MYO18A: variants seen among roughly 807,000 people sequenced by gnomAD.
MYO18A encodes the protein unconventional myosin-XVIIIa.
In MYO18A, 78 loss-of-function variants were observed where a neutral mutation model predicts 235.8. The observed-to-expected ratio is 0.33, with a 90% CI of 0.28 to 0.40. MYO18A has a LOEUF of 0.40. MYO18A is among the 10% of genes least tolerant of loss of function. The probability of loss-of-function intolerance (pLI) is 1.00; values close to 1 mark genes in which losing one functional copy is unlikely to be tolerated. For missense variants in MYO18A, 2,215 were observed against 2,699.3 expected (o/e 0.82, Z 3.98); for synonymous variants, 977 against 1,077.8 (o/e 0.91, Z 1.83).
At chr17:29,162,390 G>A (rs557850525) in intron 2 of MYO18A, among the ~76,000 whole-genome samples, 9 of 152,194 alleles carry the variant, frequency 5.9e-5, no homozygotes, top group East Asian at 3.9e-4. Flanking sequence ...CCCACACACC[G>A]TCTCCCAGCC....
In MYO18A at chr17:29,118,256, G is replaced by C; in HGVS notation, c.1894-67C>G. On this transcript the variant is annotated intron_variant, in intron 9 of 41. Coordinates refer to ENST00000527372, the MANE Select transcript of MYO18A (RefSeq NM_078471.4). This position sits in a 1 kb window ranked among gnomAD's most constrained non-coding sequence, Gnocchi z 4.2. ...CACCCCCATGAGGCTGGGCCCTCAG[G>C]GCAAGGCTTGGGTAGAGCCAGCAGC... 1 of 1,563,570 alleles carries C rather than the reference G, an allele frequency of 6.4e-7. No homozygotes were observed. Among genetic ancestry groups the C allele is most frequent in the South Asian group, 1.2e-5 (1 of 85,318 alleles).
chr17:29,116,364 C>T (rs2067060346), intron 11 of MYO18A, 80 bp downstream of exon 11: 1 of 1,565,056 alleles, frequency 6.4e-7, no homozygotes, highest in African/African-American at 1.3e-5. Flanking sequence ...AAGGGAACAG[C>T]CCGCACAGAC....
intron 21 of MYO18A, among the ~76,000 whole-genome samples, chr17:29,101,997 C>A (rs1568064320): frequency 6.6e-6 from 1 of 152,200 alleles, no homozygotes; most frequent in Non-Finnish European, 1.5e-5. Flanking sequence ...GAAGACCCCC[C>A]TCCTCTGAAG....
Position 29,098,151 on chromosome 17 carries a change from T to C in MYO18A, c.3944A>G (p.Glu1315Gly), listed in dbSNP as rs1010154452. 1 of 1,613,904 alleles carries C rather than the reference T, an allele frequency of 6.2e-7. No individual in the cohort carries two copies. Among genetic ancestry groups the C allele is most frequent in the South Asian group, 1.1e-5 (1 of 91,084 alleles). The change falls in exon 25 of 42, where the codon GAG becomes GGG. Residue 1315 changes from glutamate (E) to glycine (G), a missense_variant. Coordinates refer to ENST00000527372, the MANE Select transcript of MYO18A (RefSeq NM_078471.4). The stretch of plus-strand genomic sequence containing the variant: ...CTCAGCCCGGAGCCTCTCTGCTGTC[T>C]CCGCGTCCAGCAGCTGGGAGGCGGA... ...GESASQLLDA[E>G]TAERLRAEKE...
intron 28 of MYO18A, among the ~76,000 whole-genome samples, chr17:29,096,198 C>T (rs2066514963): frequency 6.6e-6 from 1 of 152,200 alleles, no homozygotes; most frequent in Non-Finnish European, 1.5e-5. Context: ...ACTGTTCCCG[C>T]TCCCCAGGGC....
At chr17:29,104,467 A>C (rs1480359532) in intron 20 of MYO18A, among the ~76,000 whole-genome samples, 3 of 152,168 alleles carry the variant, frequency 2.0e-5, no homozygotes, top group Non-Finnish European at 4.4e-5. Flanking sequence ...TAAGAGAAAG[A>C]GGCGGCTTGT....
At chr17:29,107,259 G>T in intron 19 of MYO18A, 70 bp from the exon 20 acceptor site, 2 of 1,437,408 alleles carry the variant, frequency 1.4e-6, no homozygotes, top group Non-Finnish European at 2.0e-6. Flanking sequence ...TAGCCACTGT[G>T]CCTGGGCAGT....
Position 29,073,843 on chromosome 17 carries a change from C to A in MYO18A, c.*927G>T, listed in dbSNP as rs765781537. The A allele has an allele frequency of 6.3e-7, 1 of 1,574,952 alleles. No homozygotes were observed. The highest frequency in any genetic ancestry group is 1.1e-5 in the South Asian group (1 of 87,134). On this transcript the variant is annotated 3_prime_UTR_variant, in exon 42 of 42. Transcript: ENST00000527372. ...AACTTCCATCTTCAGTTTTTCTGAT[C>A]ACAAGTCCTCAACCCCAAGCCTTCC...
rs932289705 is a variant in MYO18A, at chr17:29,072,805, G to A, written c.*1965C>T. 2 of 152,222 alleles carry A rather than the reference G, an allele frequency of 1.3e-5. No individual in the cohort carries two copies. Among genetic ancestry groups the A allele is most frequent in the Non-Finnish European group, 2.9e-5 (2 of 68,058 alleles). 9.4% of individuals were successfully genotyped at this position (152,222 alleles called of 1,614,324 possible). ...ATTATAACTGGCCACACTACAGAAT[G>A]AGAAGGTAGAAGGTAGAAGAGGAGG... On this transcript the variant is annotated 3_prime_UTR_variant, in exon 42 of 42. Coordinates refer to ENST00000527372, the MANE Select transcript of MYO18A (RefSeq NM_078471.4).
chr17:29,145,093 C>T (rs1168424539), intron 2 of MYO18A, among the ~76,000 whole-genome samples: 1 of 152,210 alleles, frequency 6.6e-6, no homozygotes, highest in African/African-American at 2.4e-5. Context: ...CATGACTATA[C>T]AGCATAACTA....
rs940051089 is a variant in MYO18A at position 29,073,742 on chromosome 17, G to C, written c.*1028C>G. 6 of 1,113,944 alleles carry C rather than the reference G, an allele frequency of 5.4e-6. No individual in the cohort carries two copies. In the African/African-American group the frequency reaches 9.4e-5, roughly 17 times the overall value. The allele number at this position is 1,113,944 out of a possible 1,614,324, so 69.0% of individuals were successfully genotyped here. On this transcript the variant is annotated 3_prime_UTR_variant, in exon 42 of 42. Transcript: ENST00000527372. The stretch of plus-strand genomic sequence containing the variant: ...GGTGTTGTGTCTGGGATAAGTGTGT[G>C]GGGGCAGGGAGGTTGGAAGAATGAC...
In MYO18A at chr17:29,099,691, G is replaced by A. The variant is rs779489297; in HGVS notation, c.3579C>T (p.Thr1193=). The A allele has an allele frequency of 6.2e-7, 1 of 1,613,764 alleles. No individual in the cohort carries two copies. The highest frequency in any genetic ancestry group is 1.7e-5 in the Admixed American group (1 of 60,008). Residue 1193 remains threonine (T), a synonymous_variant, in exon 22 of 42, where the codon ACC becomes ACT. Transcript: ENST00000527372. Reference sequence around the variant, plus strand: ...AGCCCCTGCAGGCTGCTTGGAACAGGGTTAGGTTCCTGCTGGTTTGTTCAT... The same window carrying A: ...AGCCCCTGCAGGCTGCTTGGAACAGAGTTAGGTTCCTGCTGGTTTGTTCAT... ...QRDEQTSRNL[T]LFQAACRGYL...
At position 29,086,370 on chromosome 17, in the gene MYO18A, G is replaced by A. The variant is rs114895857; in HGVS notation, c.5852+68C>T. 233 of 1,530,394 alleles carry A rather than the reference G, an allele frequency of 1.5e-4. No homozygotes were observed. The African/African-American group carries it at 1.8e-3, about 12-fold the overall frequency. 94.8% of individuals were successfully genotyped at this position (1,530,394 alleles called of 1,614,324 possible). A position where few individuals can be genotyped will look rare whatever the true frequency, so the allele number is the denominator to read the frequency against. ...GAGGTTGCAACTGTTCTACCTGGTC[G>A]TCTGGTTCCAGAGGTGGTCAAGAGG... On this transcript the variant is annotated intron_variant, in intron 39 of 41. Transcript: ENST00000527372.
chr17:29,118,226 C>A lies in MYO18A; in HGVS notation c.1894-37G>T. The A allele has an allele frequency of 6.3e-7, 1 of 1,584,478 alleles. No individual in the cohort carries two copies. The highest frequency in any genetic ancestry group is 8.6e-7 in the Non-Finnish European group (1 of 1,163,408). On this transcript the variant is annotated intron_variant, in intron 9 of 41. Coordinates refer to ENST00000527372, the MANE Select transcript of MYO18A (RefSeq NM_078471.4). The surrounding 1 kb of genome is among the most constrained non-coding windows in gnomAD (Gnocchi z 4.2). ...GATGACCTCAAAGGGCTGTCCCTCCCAGCACACCCCCATGAGGCTGGGCCC... is the reference window on the plus strand; with the variant it reads ...GATGACCTCAAAGGGCTGTCCCTCCAAGCACACCCCCATGAGGCTGGGCCC...
intron 33 of MYO18A, 95 bp downstream of exon 33, chr17:29,092,760 G>C (rs1413885741): frequency 6.6e-7 from 1 of 1,504,458 alleles, no homozygotes; most frequent in Middle Eastern, 1.8e-4. Context: ...TCCTTCCCAA[G>C]GACTCAAGAA....
intron 34 of MYO18A, chr17:29,091,208 G>C (rs936727150): frequency 2.4e-6 from 1 of 419,596 alleles, no homozygotes; most frequent in Admixed American, 3.7e-5. Flanking sequence ...AGGCAGAAAA[G>C]GTCTGCCCAG....
At chr17:29,138,347 A>C (rs545195254) in intron 2 of MYO18A, among the ~76,000 whole-genome samples, 2 of 152,038 alleles carry the variant, frequency 1.3e-5, no homozygotes, top group Admixed American at 6.6e-5. Context: ...CGCTTCTGAC[A>C]GCACTCACAC....
intron 12 of MYO18A, 106 bp downstream of exon 12, chr17:29,115,558 G>A: frequency 1.4e-6 from 2 of 1,476,044 alleles, no homozygotes; most frequent in Non-Finnish European, 1.8e-6. Flanking sequence ...CTCTGCCACT[G>A]ACAGAGCATC....
In MYO18A at chr17:29,115,714, G is replaced by T; in HGVS notation, c.2177C>A (p.Ser726Tyr). The T allele has an allele frequency of 6.2e-7, 1 of 1,605,776 alleles. No homozygotes were observed. Among genetic ancestry groups the T allele is most frequent in the African/African-American group, 1.3e-5 (1 of 74,946 alleles). ...CTCGGGGCCCTGGCGGAAGGAGGTG[G>T]AGCGCTGCAGGGTGCCACCCTTGTG... ...HQHKGGTLQR[S>Y]TSFRQGPEES... Residue 726 changes from serine (S) to tyrosine (Y), a missense_variant, in exon 12 of 42, where the codon TCC (serine) becomes TAC (tyrosine). Physicochemically the swap from Ser to Tyr is moderately radical, Grantham distance 144 (BLOSUM62 -2). Transcript: ENST00000527372.
Sources: gnomAD v4.1 joint callset for allele counts (sites outside exome capture counted in the v4.1 genomes callset) on GRCh38, gnomAD v4.1.1 for gene constraint, Gnocchi (gnomAD v3.1) non-coding constraint, MANE v1.5 for transcripts, NCBI Gene and HGNC (gene_info 2026-07-23, HGNC 2026-07-21) for gene names.